Variants in DCDC2 observed in about 807,000 individuals in gnomAD.
DCDC2 encodes the protein doublecortin domain-containing protein 2.
Under a neutral mutation model 50.2 loss-of-function variants are expected in DCDC2, and 40 were observed. The observed-to-expected ratio is 0.80, with a 90% CI of 0.62 to 1.04. DCDC2 has a LOEUF of 1.04. Among genes scored for constraint, DCDC2 ranks in the 50% least tolerant of loss-of-function variants. DCDC2 has a pLI of 0.00. For missense variants in DCDC2, 570 were observed against 581.9 expected, an observed-to-expected ratio of 0.98 and a Z score of 0.21; for synonymous variants, 234 against 210.6, an observed-to-expected ratio of 1.11 and a Z score of -0.96.
At chr6:24,229,040 T>C (rs1176380287) in intron 7 of DCDC2, among the ~76,000 whole-genome samples, 1 of 152,230 alleles carries the variant, frequency 6.6e-6, no homozygotes, top group Non-Finnish European at 1.5e-5. Flanking sequence ...TGTGAAAACA[T>C]ATAGACAGGT....
chr6:24,277,426 A>G (rs1228637054), intron 7 of DCDC2, among the ~76,000 whole-genome samples: 1 of 152,202 alleles, frequency 6.6e-6, no homozygotes, highest in African/African-American at 2.4e-5. Context: ...CAAAACCCTA[A>G]CATCAAAGTT....
the DCDC2 span, among the ~76,000 whole-genome samples, chr6:24,369,900 G>A: frequency 1.3e-5 from 2 of 150,222 alleles, no homozygotes; most frequent in South Asian, 2.1e-4. Flanking sequence ...AAAATAGCCG[G>A]GCATGGTGGT....
chr6:24,246,548 G>A (rs749731437), intron 7 of DCDC2, among the ~76,000 whole-genome samples: 33 of 139,938 alleles, frequency 2.4e-4, no homozygotes, highest in African/African-American at 7.3e-4. Flanking sequence ...GTTCAGTGGC[G>A]TGATCTCAGC....
chr6:24,235,358 T>C (rs538561870), intron 7 of DCDC2, among the ~76,000 whole-genome samples: 1 of 152,300 alleles, frequency 6.6e-6, no homozygotes, highest in South Asian at 2.1e-4. Context: ...TGCATAAAAT[T>C]TCCTTCAAGG....
chr6:24,338,685 C>T (rs1009744854), intron 2 of DCDC2, among the ~76,000 whole-genome samples: 1 of 152,136 alleles, frequency 6.6e-6, no homozygotes, highest in African/African-American at 2.4e-5. Flanking sequence ...ACTCCTGTTG[C>T]CCAGGCTAGA....
At chr6:24,207,288 C>G (rs1295397269) in intron 7 of DCDC2, among the ~76,000 whole-genome samples, 2 of 146,998 alleles carry the variant, frequency 1.4e-5, no homozygotes, top group Admixed American at 1.3e-4. Context: ...CTCTCTCTCT[C>G]AGACACACAC....
At chr6:24,276,494 A>T (rs1450774267) in intron 7 of DCDC2, among the ~76,000 whole-genome samples, 2 of 152,136 alleles carry the variant, frequency 1.3e-5, no homozygotes, top group Non-Finnish European at 2.9e-5. Flanking sequence ...ACTATTTTTA[A>T]ACTTCCATCA....
At chr6:24,326,476 T>C (rs1431242884) in intron 2 of DCDC2, among the ~76,000 whole-genome samples, 1 of 148,848 alleles carries the variant, frequency 6.7e-6, no homozygotes, top group Non-Finnish European at 1.5e-5. Context: ...GTGACATATA[T>C]ATATTAACTA....
chr6:24,302,294 GAA>G (rs34907724), intron 2 of DCDC2, among the ~76,000 whole-genome samples: 7 of 138,710 alleles, frequency 5.0e-5, no homozygotes, highest in African/African-American at 1.1e-4. Context: ...ATGATCTGTG[GAA>G]AAAAAAAAAA....
intron 6 of DCDC2, among the ~76,000 whole-genome samples, chr6:24,282,997 AATC>A (rs1485146299): frequency 6.7e-6 from 1 of 149,454 alleles, no homozygotes; most frequent in Non-Finnish European, 1.5e-5. Flanking sequence ...AAACCGTAGA[AATC>A]ATAATATTTG....
intron 6 of DCDC2, among the ~76,000 whole-genome samples, chr6:24,284,225 A>T (rs983653055): frequency 2.6e-5 from 4 of 152,132 alleles, no homozygotes; most frequent in Non-Finnish European, 4.4e-5. Flanking sequence ...CACCTATATC[A>T]CATACCTGTA....
At chr6:24,221,890 C>G (rs1329665898) in intron 7 of DCDC2, among the ~76,000 whole-genome samples, 2 of 152,200 alleles carry the variant, frequency 1.3e-5, no homozygotes, top group African/African-American at 4.8e-5. Flanking sequence ...TGTTAAGGCA[C>G]TCAACTGCTA....
At chr6:24,280,501 T>G (rs1763447489) in intron 6 of DCDC2, among the ~76,000 whole-genome samples, 1 of 152,132 alleles carries the variant, frequency 6.6e-6, no homozygotes, top group Non-Finnish European at 1.5e-5. Flanking sequence ...TAGTCCCTTT[T>G]ATTCTCAATG....
intron 7 of DCDC2, among the ~76,000 whole-genome samples, chr6:24,208,313 T>C (rs1761768806): frequency 6.6e-6 from 1 of 150,816 alleles, no homozygotes; most frequent in Admixed American, 6.6e-5. Context: ...TCTGATCTTA[T>C]CCTGTAACCC....
chr6:24,245,111 T>C (rs1330451835), intron 7 of DCDC2, among the ~76,000 whole-genome samples: 4 of 152,158 alleles, frequency 2.6e-5, no homozygotes, highest in Non-Finnish European at 5.9e-5. Flanking sequence ...TGAGAATCAC[T>C]TGAACCCGGG....
chr6:24,288,422 G>A (rs902958484), intron 6 of DCDC2, among the ~76,000 whole-genome samples: 6 of 152,140 alleles, frequency 3.9e-5, no homozygotes, highest in Non-Finnish European at 8.8e-5. Context: ...AGATTCAGAT[G>A]GCAAACTAAA....
At chr6:24,221,696 A>T (rs1048243814) in intron 7 of DCDC2, among the ~76,000 whole-genome samples, 2 of 152,214 alleles carry the variant, frequency 1.3e-5, no homozygotes, top group African/African-American at 4.8e-5. Context: ...TTGCCTCACA[A>T]TTACCTGTGA....
chr6:24,344,707 C>T (rs991492717), intron 2 of DCDC2, among the ~76,000 whole-genome samples: 6 of 152,160 alleles, frequency 3.9e-5, no homozygotes, highest in Admixed American at 1.3e-4. Flanking sequence ...CACACATACA[C>T]GCATCCATAC....
At chr6:24,233,617 T>G (rs1381543240) in intron 7 of DCDC2, among the ~76,000 whole-genome samples, 1 of 152,164 alleles carries the variant, frequency 6.6e-6, no homozygotes, top group Non-Finnish European at 1.5e-5. Flanking sequence ...AGTGAGGCAG[T>G]TTAATTAGAA....
Sources: gnomAD v4.1 joint callset for allele counts (sites outside exome capture counted in the v4.1 genomes callset) on GRCh38, gnomAD v4.1.1 for gene constraint, MANE v1.5 for transcripts, NCBI Gene and HGNC (gene_info 2026-07-23, HGNC 2026-07-21) for gene names.